The following CCDC146 variants were observed in gnomAD, a reference collection of about 807,000 sequenced individuals.
CCDC146 encodes coiled-coil domain-containing protein 146.
Under a neutral mutation model 119.3 loss-of-function variants are expected in CCDC146, and 92 were observed. The observed-to-expected ratio is 0.77, with a 90% CI of 0.65 to 0.92. The LOEUF is 0.92. Ranked by LOEUF, CCDC146 falls within the 40% of genes least tolerant of loss-of-function variation. The pLI, the probability that CCDC146 is intolerant of heterozygous loss-of-function variation, is 0.00. For missense variants in CCDC146, 1,000 were observed against 1,103.0 expected (o/e 0.91, Z 1.32); for synonymous variants, 372 against 371.8 (o/e 1.00, Z -0.01).
intron 2 of CCDC146, among the ~76,000 whole-genome samples, chr7:77,173,771 G>A (rs1318399128): frequency 1.3e-5 from 2 of 151,688 alleles, no homozygotes; most frequent in Non-Finnish European, 2.9e-5. Flanking sequence ...ACTTTTTTTT[G>A]TCCTATTGGA....
chr7:77,218,892 A>G (rs913410496), intron 2 of CCDC146, among the ~76,000 whole-genome samples: 1 of 152,106 alleles, frequency 6.6e-6, no homozygotes, highest in South Asian at 2.1e-4. Flanking sequence ...AGTGTTGCCA[A>G]TGAATTCTCT....
chr7:77,179,818 A>G (rs1562824228), intron 2 of CCDC146, among the ~76,000 whole-genome samples: 1 of 152,166 alleles, frequency 6.6e-6, no homozygotes, highest in African/African-American at 2.4e-5. Context: ...GAACTTTTTC[A>G]TATACAAAAC....
intron 7 of CCDC146, among the ~76,000 whole-genome samples, chr7:77,259,642 A>G (rs182743430): frequency 3.9e-4 from 60 of 152,356 alleles, no homozygotes; most frequent in African/African-American, 1.4e-3. Context: ...AGGCACTAGT[A>G]ACTGTTCTAA....
chr7:77,207,430 T>C (rs1004000293), intron 2 of CCDC146, among the ~76,000 whole-genome samples: 1 of 152,224 alleles, frequency 6.6e-6, no homozygotes, highest in Non-Finnish European at 1.5e-5. Context: ...TGCTTGTGTA[T>C]TTAACACAAA....
intron 1 of CCDC146, among the ~76,000 whole-genome samples, chr7:77,127,243 G>A (rs566011214): frequency 3.2e-4 from 49 of 152,258 alleles, no homozygotes; most frequent in African/African-American, 1.0e-3. Flanking sequence ...GTCAGCAGCT[G>A]CTGGTCAGGC....
chr7:77,172,236 A>T (rs1441303200), intron 2 of CCDC146, among the ~76,000 whole-genome samples: 1 of 152,258 alleles, frequency 6.6e-6, no homozygotes, highest in Admixed American at 6.5e-5. Flanking sequence ...TAATTCTTTT[A>T]GGATTACTCT....
chr7:77,287,807 T>C (rs1793876054), intron 17 of CCDC146, among the ~76,000 whole-genome samples: 1 of 152,236 alleles, frequency 6.6e-6, no homozygotes, highest in African/African-American at 2.4e-5. Context: ...AATGACACTA[T>C]ACAAGTTTCA....
chr7:77,279,216 A>T, intron 13 of CCDC146, 115 bp downstream of exon 13: 1 of 946,634 alleles, frequency 1.1e-6, no homozygotes, highest in Non-Finnish European at 1.6e-6. Context: ...ATGAGCCAAG[A>T]TGGTGCCACT....
intron 1 of CCDC146, among the ~76,000 whole-genome samples, chr7:77,161,282 A>G (rs946200857): frequency 2.6e-5 from 4 of 152,144 alleles, no homozygotes; most frequent in African/African-American, 4.8e-5. Flanking sequence ...CCATCCCATT[A>G]CTGGGTATAT....
intron 2 of CCDC146, among the ~76,000 whole-genome samples, chr7:77,192,653 G>C (rs149766128): frequency 2.0e-5 from 3 of 152,178 alleles, no homozygotes; most frequent in Non-Finnish European, 2.9e-5. Flanking sequence ...GGCCGGGCAC[G>C]GTGGCTAATG....
intron 1 of CCDC146, among the ~76,000 whole-genome samples, chr7:77,139,524 A>G (rs1377605588): frequency 6.6e-6 from 1 of 152,222 alleles, no homozygotes; most frequent in African/African-American, 2.4e-5. Flanking sequence ...ACTCTAGGTG[A>G]TTATGATGTG....
chr7:77,281,894 T>C (rs1213915973), intron 14 of CCDC146, among the ~76,000 whole-genome samples: 2 of 152,144 alleles, frequency 1.3e-5, no homozygotes, highest in Admixed American at 1.3e-4. Flanking sequence ...ACCAAAGCGT[T>C]TGGACAAACA....
intron 6 of CCDC146, chr7:77,257,303 GA>G (rs931790155): frequency 1.3e-5 from 2 of 152,076 alleles, no homozygotes; most frequent in Non-Finnish European, 2.9e-5. Context: ...ATTTTACTTT[GA>G]AAAATGTATA....
intron 11 of CCDC146, among the ~76,000 whole-genome samples, chr7:77,276,510 A>G (rs1410044910): frequency 6.6e-6 from 1 of 152,240 alleles, no homozygotes; most frequent in East Asian, 1.9e-4. Flanking sequence ...TGGCTGGCAC[A>G]TGGGAAGATG....
rs3093271 is a variant in CCDC146 at position 77,200,003 on chromosome 7, T to C, written c.156+32179T>C. 4.5e-4 allele frequency among the ~76,000 whole-genome samples: 68 copies of C among 152,346 alleles called. 1 individual carries two copies. Among genetic ancestry groups the C allele is most frequent in the African/African-American group, 1.5e-3 (63 of 41,576 alleles). ...TTACTCTCAATAGAAATAATATGCA[T>C]TGAAATTATTATAGTCAAATGTACA... On this transcript the variant is annotated intron_variant, in intron 2 of 18. Coordinates refer to ENST00000285871, the MANE Select transcript of CCDC146 (RefSeq NM_020879.3).
In CCDC146 at chr7:77,202,236, C is replaced by T. The variant is rs192136096; in HGVS notation, c.156+34412C>T. Reference sequence around the variant, plus strand: ...GGGCCACACTGGTGAACAAATCAGACAAAAATCCCTTTTTCCTTCTTAGAA... The same window carrying T: ...GGGCCACACTGGTGAACAAATCAGATAAAAATCCCTTTTTCCTTCTTAGAA... On this transcript the variant is annotated intron_variant, in intron 2 of 18. Transcript: ENST00000285871. Among the ~76,000 whole-genome samples, 309 of 152,310 alleles carry T rather than the reference C, an allele frequency of 2.0e-3. 4 individuals carry two copies. The highest frequency in any genetic ancestry group is 3.0e-3 in the Non-Finnish European group (207 of 68,016).
intron 1 of CCDC146, among the ~76,000 whole-genome samples, chr7:77,156,362 T>C (rs1457143760): frequency 1.3e-5 from 2 of 152,308 alleles, no homozygotes; most frequent in African/African-American, 4.8e-5. Flanking sequence ...TGCAAGAGTT[T>C]TCATTTTTCC....
intron 2 of CCDC146, among the ~76,000 whole-genome samples, chr7:77,168,815 T>C (rs1339701803): frequency 1.3e-5 from 2 of 152,136 alleles, no homozygotes. Context: ...CTTTTTTTTC[T>C]ATCTTCTTGT....
chr7:77,287,532 C>T lies in CCDC146; in HGVS notation c.2370C>T (p.Ser790=). ...CCAGGCTCACAGACAGGCTCTGCAG[C>T]AAAACTCAGGGCTGCAAGCAGGACA... ...QVSRLTDRLC[S]KTQGCKQDTL... Residue 790 remains serine, a synonymous_variant, in exon 17 of 19, where the codon AGC becomes AGT. Transcript: ENST00000285871. 6.2e-7 allele frequency: 1 copy of T among 1,613,996 alleles called. No homozygotes were observed. The highest frequency in any genetic ancestry group is 8.5e-7 in the Non-Finnish European group (1 of 1,179,994).
Sources: gnomAD v4.1 joint callset for allele counts (sites outside exome capture counted in the v4.1 genomes callset) on GRCh38, gnomAD v4.1.1 for gene constraint, MANE v1.5 for transcripts, NCBI Gene and HGNC (gene_info 2026-07-23, HGNC 2026-07-21) for gene names.